NAALADL2: variants seen among roughly 807,000 people sequenced by gnomAD.
The protein encoded by NAALADL2 is N-acetylated alpha-linked acidic dipeptidase like 2.
NAALADL2 carries 76 observed loss-of-function variants against 87.2 expected under a neutral mutation model. The observed-to-expected ratio is 0.87, with a 90% confidence interval of 0.72 to 1.05. The LOEUF is 1.05. NAALADL2 is among the 50% of genes least tolerant of loss of function. The pLI is 0.00. For missense variants in NAALADL2, 1,089 were observed against 945.8 expected (o/e 1.15, Z -1.99); for synonymous variants, 354 against 331.0 (o/e 1.07, Z -0.75).
intron 1 of NAALADL2, among the ~76,000 whole-genome samples, chr3:174,994,599 C>T (rs1411502303): frequency 1.3e-5 from 2 of 151,340 alleles, no homozygotes; most frequent in Non-Finnish European, 2.9e-5. Flanking sequence ...CTCTTTTATT[C>T]TTTTAGCGGT....
At chr3:175,778,260 G>GA (rs1428732155) in intron 13 of NAALADL2, among the ~76,000 whole-genome samples, 1 of 152,130 alleles carries the variant, frequency 6.6e-6, no homozygotes, top group Non-Finnish European at 1.5e-5. Flanking sequence ...AATATATACA[G>GA]AAAAAAAGTA....
intron 1 of NAALADL2, among the ~76,000 whole-genome samples, chr3:174,958,978 C>A (rs993613168): frequency 6.6e-6 from 1 of 152,060 alleles, no homozygotes; most frequent in Admixed American, 6.6e-5. Flanking sequence ...GAAGTGTTGG[C>A]ATGTTCTCTT....
chr3:175,126,861 T>TC (rs1173118425), intron 2 of NAALADL2, among the ~76,000 whole-genome samples: 11 of 151,940 alleles, frequency 7.2e-5, no homozygotes, highest in African/African-American at 2.7e-4. Context: ...GCTACCTTTT[T>TC]TTTTTTTTTT....
chr3:175,161,974 C>T (rs1161426030), intron 2 of NAALADL2, among the ~76,000 whole-genome samples: 2 of 152,114 alleles, frequency 1.3e-5, no homozygotes, highest in Non-Finnish European at 2.9e-5. Context: ...CTGGGTGTGA[C>T]TTTCTTTCGG....
chr3:175,487,931 C>G (rs985308380), intron 9 of NAALADL2, among the ~76,000 whole-genome samples: 1 of 152,018 alleles, frequency 6.6e-6, no homozygotes, highest in Non-Finnish European at 1.5e-5. Flanking sequence ...ACTATGTAGT[C>G]TGGGAAAGAC....
intron 1 of NAALADL2, among the ~76,000 whole-genome samples, chr3:174,450,610 G>T (rs1370017512): frequency 6.6e-6 from 1 of 152,090 alleles, no homozygotes; most frequent in East Asian, 1.9e-4. Context: ...GGTGGCTATT[G>T]CCTGTAATCC....
intron 1 of NAALADL2, among the ~76,000 whole-genome samples, chr3:174,975,086 C>T (rs1423381162): frequency 6.6e-6 from 1 of 152,074 alleles, no homozygotes; most frequent in Non-Finnish European, 1.5e-5. Context: ...CATCAGGTTG[C>T]CATCTGTCTT....
intron 2 of NAALADL2, among the ~76,000 whole-genome samples, chr3:174,645,513 C>T (rs2108742607): frequency 6.6e-6 from 1 of 152,260 alleles, no homozygotes; most frequent in South Asian, 2.1e-4. Context: ...AAAGAAACTT[C>T]AGGGCTTATG....
intron 4 of NAALADL2, among the ~76,000 whole-genome samples, chr3:175,314,692 A>AAC (rs1450498023): frequency 4.4e-5 from 3 of 68,338 alleles, no homozygotes; most frequent in African/African-American, 1.8e-4. Context: ...ATATATATAT[A>AAC]TATATATATA....
At chr3:175,222,964 G>A (rs149580236) in intron 2 of NAALADL2, among the ~76,000 whole-genome samples, 127 of 152,058 alleles carry the variant, frequency 8.4e-4, no homozygotes, top group African/African-American at 2.9e-3. Flanking sequence ...TTTTCCTCCA[G>A]CTTTATTGAA....
chr3:174,712,208 T>G (rs1480598551), intron 2 of NAALADL2, among the ~76,000 whole-genome samples: 1 of 152,132 alleles, frequency 6.6e-6, no homozygotes, highest in African/African-American at 2.4e-5. Flanking sequence ...TTAAAACTAC[T>G]TTGAGAACCT....
At chr3:174,910,321 T>C (rs1044723827) in intron 1 of NAALADL2, among the ~76,000 whole-genome samples, 2 of 152,120 alleles carry the variant, frequency 1.3e-5, no homozygotes, top group African/African-American at 2.4e-5. Context: ...TGTATAACTA[T>C]ATATTTTAAA....
chr3:175,578,573 A>G (rs910068272), intron 10 of NAALADL2, among the ~76,000 whole-genome samples: 1 of 152,210 alleles, frequency 6.6e-6, no homozygotes, highest in Non-Finnish European at 1.5e-5. Flanking sequence ...ATTAGCTTTT[A>G]TTATTAACTC....
chr3:174,528,403 G>A (rs1578093899), intron 1 of NAALADL2, among the ~76,000 whole-genome samples: 1 of 152,292 alleles, frequency 6.6e-6, no homozygotes, highest in South Asian at 2.1e-4. Flanking sequence ...GCCAAGGCAT[G>A]TAGATCACCT....
chr3:175,550,094 T>C (rs1483537975), intron 9 of NAALADL2, among the ~76,000 whole-genome samples: 1 of 152,130 alleles, frequency 6.6e-6, no homozygotes, highest in Admixed American at 6.5e-5. Context: ...GGATCACCTA[T>C]ACGGTTTTAA....
At chr3:174,461,769 C>T (rs1162220220) in intron 1 of NAALADL2, among the ~76,000 whole-genome samples, 3 of 151,996 alleles carry the variant, frequency 2.0e-5, no homozygotes, top group Non-Finnish European at 2.9e-5. Context: ...CTATAGTGCC[C>T]TTATATACTT....
At chr3:175,562,063 A>T (rs911605914) in intron 9 of NAALADL2, among the ~76,000 whole-genome samples, 1 of 152,158 alleles carries the variant, frequency 6.6e-6, no homozygotes, top group African/African-American at 2.4e-5. Context: ...TCTGTATTTG[A>T]TCTGACTCTG....
At chr3:174,562,485 A>G (rs1713746527) in intron 2 of NAALADL2, among the ~76,000 whole-genome samples, 1 of 152,144 alleles carries the variant, frequency 6.6e-6, no homozygotes, top group Non-Finnish European at 1.5e-5. Flanking sequence ...TAGAAATGAC[A>G]AAGTGGTAGA....
intron 5 of NAALADL2, among the ~76,000 whole-genome samples, chr3:175,378,304 C>T (rs773895082): frequency 7.9e-5 from 12 of 152,182 alleles, no homozygotes; most frequent in East Asian, 1.9e-4. Flanking sequence ...CTCCAGTTCC[C>T]GCCTCATTCA....
Sources: allele counts gnomAD v4.1 joint callset (sites outside exome capture counted in the v4.1 genomes callset), GRCh38; gene constraint gnomAD v4.1.1; transcripts MANE v1.5; gene names NCBI Gene and HGNC (gene_info 2026-07-23, HGNC 2026-07-21).